Variants in HIBCH observed in about 807,000 individuals in gnomAD.
The protein encoded by HIBCH is 3-hydroxyisobutyryl-CoA hydrolase, mitochondrial.
Under a neutral mutation model 58.2 loss-of-function variants are expected in HIBCH, and 50 were observed. That is an observed-to-expected ratio of 0.86 (90% CI 0.68 to 1.09). The LOEUF (loss-of-function observed/expected upper bound fraction) is 1.09. HIBCH is among the 50% of genes least tolerant of loss of function. The pLI is 0.00. For missense variants in HIBCH, 450 were observed against 449.7 expected (o/e 1.00, Z -0.01); for synonymous variants, 151 against 146.9 (o/e 1.03, Z -0.20).
At chr2:190,276,322 G>C (rs1008282209) in intron 6 of HIBCH, among the ~76,000 whole-genome samples, 1 of 152,182 alleles carries the variant, frequency 6.6e-6, no homozygotes, top group Non-Finnish European at 1.5e-5. Context: ...GGGCAATTTT[G>C]AGAGTTTCAA....
chr2:190,313,750 C>T (rs1055236401), intron 1 of HIBCH, among the ~76,000 whole-genome samples: 1 of 151,766 alleles, frequency 6.6e-6, no homozygotes, highest in Non-Finnish European at 1.5e-5. Context: ...GGGGCACAGG[C>T]ACAGATACTT....
At chr2:190,314,350 T>C (rs867065994) in intron 1 of HIBCH, among the ~76,000 whole-genome samples, 1,484 of 31,842 alleles carry the variant, frequency 0.047, 42 homozygotes, top group African/African-American at 0.13. Context: ...TATATATGTG[T>C]ATATATACGT....
downstream of HIBCH, chr2:190,199,601 T>C (rs1690150057): frequency 1.6e-6 from 1 of 624,426 alleles, no homozygotes; most frequent in Admixed American, 3.9e-5. Flanking sequence ...ATTTCTTCCA[T>C]GTGACCAAAG....
At chr2:190,198,192 T>C (rs1208999446) in intron 1 of HIBCH, among the ~76,000 whole-genome samples, 1 of 151,640 alleles carries the variant, frequency 6.6e-6, no homozygotes, top group African/African-American at 2.4e-5. Context: ...ATCACTCTTA[T>C]TAGGGGTAGG....
At chr2:190,231,471 C>T (rs919430315) in intron 11 of HIBCH, among the ~76,000 whole-genome samples, 5 of 152,040 alleles carry the variant, frequency 3.3e-5, no homozygotes, top group African/African-American at 1.2e-4. Context: ...TGATAAAATC[C>T]AACTCTCATT....
Position 190,315,142 on chromosome 2 carries a change from T to C in HIBCH, c.36-4346A>G, listed in dbSNP as rs1321547838. ...TTTTGTATTTTTAGTAGAAACGGGG[T>C]TTCACCATGTTAGCCAGCATGGTCA... On this transcript the variant is annotated intron_variant, in intron 1 of 13. Coordinates refer to ENST00000359678, the MANE Select transcript of HIBCH (RefSeq NM_014362.4). This position sits in a 1 kb window ranked among gnomAD's most constrained non-coding sequence, Gnocchi z 5.4. 6.6e-6 allele frequency among the ~76,000 whole-genome samples: 1 copy of C among 151,648 alleles called. No homozygotes were observed. The highest frequency in any genetic ancestry group is 1.5e-5 in the Non-Finnish European group (1 of 67,896).
In HIBCH at chr2:190,217,889, C is replaced by T. The variant is rs563152583; in HGVS notation, c.892-4814G>A. ...AGTGAATAGGGAATGTATAAATCAC[C>T]TAAGAAACCCTTAAAGCTAACTCTA... is the stretch of plus-strand genomic sequence containing the variant. On this transcript the variant is annotated intron_variant, in intron 11 of 13. Coordinates refer to ENST00000359678, the MANE Select transcript of HIBCH (RefSeq NM_014362.4). The surrounding 1 kb of genome is among the most constrained non-coding windows in gnomAD (Gnocchi z 4.6). 6.6e-6 allele frequency among the ~76,000 whole-genome samples: 1 copy of T among 152,242 alleles called. No homozygotes were observed. The highest frequency in any genetic ancestry group is 1.9e-4 in the East Asian group (1 of 5,186).
chr2:190,282,040 C>T (rs1369828246), intron 6 of HIBCH, among the ~76,000 whole-genome samples: 1 of 152,164 alleles, frequency 6.6e-6, no homozygotes, highest in African/African-American at 2.4e-5. Flanking sequence ...TCCACATTTT[C>T]CCCAGCCTTG....
At chr2:190,314,363 AT>A (rs1688653895) in intron 1 of HIBCH, among the ~76,000 whole-genome samples, 1 of 90,996 alleles carries the variant, frequency 1.1e-5, no homozygotes, top group Non-Finnish European at 2.4e-5. Context: ...ATATACGTAT[AT>A]ATATACGTAT....
At chr2:190,278,653 T>A (rs1180624018) in intron 6 of HIBCH, among the ~76,000 whole-genome samples, 1 of 149,952 alleles carries the variant, frequency 6.7e-6, no homozygotes, top group Non-Finnish European at 1.5e-5. Flanking sequence ...TACCTTCACA[T>A]TGGTAACACC....
At chr2:190,195,084 G>T (rs1350817659) in intron 1 of HIBCH, among the ~76,000 whole-genome samples, 1 of 151,964 alleles carries the variant, frequency 6.6e-6, no homozygotes, top group Non-Finnish European at 1.5e-5. Flanking sequence ...GGCTGGTCTT[G>T]AACTCCTGGG....
At chr2:190,231,700 G>A (rs1686098994) in intron 11 of HIBCH, among the ~76,000 whole-genome samples, 1 of 151,984 alleles carries the variant, frequency 6.6e-6, no homozygotes, top group African/African-American at 2.4e-5. Context: ...TGGTGAGAAG[G>A]GAGAAATAAA....
In HIBCH at chr2:190,304,476, A is replaced by G. The variant is rs1688352532; in HGVS notation, c.78+6278T>C. ...CTCACTCCCATAACCCCATTAATCA[A>G]TTAATGGATTAATCCTTCGTGAGGA... On this transcript the variant is annotated intron_variant, in intron 2 of 13. Coordinates refer to ENST00000359678, the MANE Select transcript of HIBCH (RefSeq NM_014362.4). The surrounding 1 kb of genome is among the most constrained non-coding windows in gnomAD (Gnocchi z 4.1). Among the ~76,000 whole-genome samples the G allele has an allele frequency of 6.6e-6, 1 of 152,214 alleles. No individual in the cohort carries two copies. Among genetic ancestry groups the G allele is most frequent in the South Asian group, 2.1e-4 (1 of 4,816 alleles).
In HIBCH at chr2:190,246,180, A is replaced by C. The variant is rs2105934861; in HGVS notation, c.783T>G (p.Leu261=). 1 of 1,593,262 alleles carries C rather than the reference A, an allele frequency of 6.3e-7. No homozygotes were observed. ...TGTTTATTTTGTCCATGTGTTCCTC[A>C]AGTATAAAAGACTTGTCTCGATCAA... ...SKIDRDKSFI[L]EEHMDKINSC... is the part of the protein sequence containing the mutation. The change falls in exon 10 of 14, where the codon CTT becomes CTG. Residue 261 remains leucine (L), a synonymous_variant. Transcript: ENST00000359678.
At chr2:190,235,653 T>C (rs904776918) in intron 11 of HIBCH, among the ~76,000 whole-genome samples, 1 of 152,210 alleles carries the variant, frequency 6.6e-6, no homozygotes, top group East Asian at 1.9e-4. Flanking sequence ...TTTCCTGGTA[T>C]GTTACTCCTT....
chr2:190,283,815 A>T (rs1277102952), intron 6 of HIBCH, among the ~76,000 whole-genome samples: 4 of 152,242 alleles, frequency 2.6e-5, no homozygotes, highest in Non-Finnish European at 5.9e-5. Context: ...TGAACCACAG[A>T]TCACTGCAAA....
intron 5 of HIBCH, among the ~76,000 whole-genome samples, chr2:190,288,218 A>G (rs183711795): frequency 1.7e-3 from 252 of 150,388 alleles, no homozygotes; most frequent in African/African-American, 5.2e-3. Flanking sequence ...GGAACATTCA[A>G]TATCAAAGAT....
At chr2:190,221,889 C>A (rs966732341) in intron 11 of HIBCH, among the ~76,000 whole-genome samples, 3 of 152,186 alleles carry the variant, frequency 2.0e-5, no homozygotes, top group Admixed American at 6.5e-5. Flanking sequence ...ATTCCCTTTA[C>A]AGCTCCCCTT....
chr2:190,294,054 A>ATATATATG (rs1688040349), intron 4 of HIBCH, among the ~76,000 whole-genome samples: 1 of 144,448 alleles, frequency 6.9e-6, no homozygotes, highest in African/African-American at 2.6e-5. Flanking sequence ...ATATATATAT[A>ATATATATG]GCAACAGGAT....
Sources: allele counts gnomAD v4.1 joint callset (sites outside exome capture counted in the v4.1 genomes callset), GRCh38; gene constraint gnomAD v4.1.1; non-coding constraint Gnocchi (gnomAD v3.1); transcripts MANE v1.5; gene names NCBI Gene and HGNC (gene_info 2026-07-23, HGNC 2026-07-21).